Variants in EPHB1 observed in about 807,000 individuals in gnomAD.
EPHB1 encodes the protein ephrin type-B receptor 1.
EPHB1 carries 30 observed loss-of-function variants against 94.4 expected under a neutral mutation model. The ratio of observed to expected loss-of-function variants is 0.32; its 90% CI spans 0.24 to 0.43. The LOEUF (loss-of-function observed/expected upper bound fraction) is 0.43. Ranked by LOEUF, EPHB1 falls within the 20% of genes least tolerant of loss-of-function variation. The pLI, the probability that EPHB1 is intolerant of heterozygous loss-of-function variation, is 1.00. For missense variants in EPHB1, 1,055 were observed against 1,308.3 expected (o/e 0.81, Z 2.99); for synonymous variants, 522 against 489.1 (o/e 1.07, Z -0.89).
At chr3:134,984,777 G>A (rs1934534706) in intron 3 of EPHB1, among the ~76,000 whole-genome samples, 1 of 152,194 alleles carries the variant, frequency 6.6e-6, no homozygotes, top group Non-Finnish European at 1.5e-5. Context: ...TGTGTGTGTG[G>A]TCAGGGGAGT....
chr3:134,982,267 G>A (rs1361512005), intron 3 of EPHB1, among the ~76,000 whole-genome samples: 1 of 152,142 alleles, frequency 6.6e-6, no homozygotes, highest in African/African-American at 2.4e-5. Context: ...ATCATCCAGT[G>A]ATTTCTGATC....
At chr3:134,979,305 A>G (rs1011310141) in intron 3 of EPHB1, among the ~76,000 whole-genome samples, 3 of 152,220 alleles carry the variant, frequency 2.0e-5, no homozygotes, top group Admixed American at 2.0e-4. Flanking sequence ...GGGGGAAAAA[A>G]AGGCCAACCA....
chr3:135,145,952 A>C (rs1276945903), intron 5 of EPHB1, among the ~76,000 whole-genome samples: 2 of 152,230 alleles, frequency 1.3e-5, no homozygotes. Flanking sequence ...TTGCAGTAAG[A>C]GTAAATTTTT....
chr3:135,109,380 CA>C (rs1420042696), intron 4 of EPHB1, among the ~76,000 whole-genome samples: 1 of 152,214 alleles, frequency 6.6e-6, no homozygotes, highest in Non-Finnish European at 1.5e-5. Context: ...CTCACGACTT[CA>C]TAATAATGTA....
chr3:135,041,107 C>T (rs1291026650), intron 3 of EPHB1, among the ~76,000 whole-genome samples: 1 of 152,148 alleles, frequency 6.6e-6, no homozygotes, highest in Non-Finnish European at 1.5e-5. Flanking sequence ...TCCCTGGGCT[C>T]CTGTAAACCA....
intron 4 of EPHB1, among the ~76,000 whole-genome samples, chr3:135,119,955 A>G (rs745816501): frequency 6.6e-6 from 1 of 152,070 alleles, no homozygotes. Context: ...GTTTGTCTTT[A>G]TTCTTTCTAA....
chr3:134,929,617 C>T (rs530525010), intron 2 of EPHB1, among the ~76,000 whole-genome samples: 8 of 152,038 alleles, frequency 5.3e-5, no homozygotes, highest in African/African-American at 2.4e-5. Context: ...AAGAGTGAGG[C>T]GAGGAGGGAC....
chr3:135,066,943 A>G (rs1023911130), intron 3 of EPHB1, among the ~76,000 whole-genome samples: 1 of 152,132 alleles, frequency 6.6e-6, no homozygotes, highest in African/African-American at 2.4e-5. Context: ...GCCAGGCTGC[A>G]GTGATTGTTA....
At chr3:134,863,550 T>G (rs2037311004) in intron 1 of EPHB1, among the ~76,000 whole-genome samples, 1 of 152,228 alleles carries the variant, frequency 6.6e-6, no homozygotes, top group East Asian at 1.9e-4. Context: ...AAAAGGAGAA[T>G]CAATACTGGT....
chr3:134,969,163 G>A (rs1220714195), intron 3 of EPHB1, among the ~76,000 whole-genome samples: 1 of 152,138 alleles, frequency 6.6e-6, no homozygotes, highest in African/African-American at 2.4e-5. Flanking sequence ...TGCCTTTTTG[G>A]CAGCACTTGG....
chr3:134,994,778 G>A (rs1428133605), intron 3 of EPHB1, among the ~76,000 whole-genome samples: 1 of 152,070 alleles, frequency 6.6e-6, no homozygotes, highest in African/African-American at 2.4e-5. Context: ...ATATTTTAAT[G>A]TTTCATTATG....
intron 4 of EPHB1, among the ~76,000 whole-genome samples, chr3:135,125,030 G>A (rs556368450): frequency 3.8e-4 from 58 of 151,634 alleles, no homozygotes; most frequent in Non-Finnish European, 6.2e-4. Context: ...TGTCCCATAT[G>A]TCTGGTATTC....
chr3:134,928,078 T>A (rs1417120674), intron 2 of EPHB1, among the ~76,000 whole-genome samples: 1 of 152,246 alleles, frequency 6.6e-6, no homozygotes, highest in African/African-American at 2.4e-5. Flanking sequence ...AGCTGCCACC[T>A]CTTTCACTGG....
intron 4 of EPHB1, among the ~76,000 whole-genome samples, chr3:135,111,949 AT>A (rs1364594499): frequency 2.0e-5 from 3 of 152,182 alleles, no homozygotes; most frequent in African/African-American, 7.2e-5. Flanking sequence ...AAGTGCTGGG[AT>A]TATAGGCGTG....
At chr3:134,890,910 A>G (rs1416961614) in intron 1 of EPHB1, among the ~76,000 whole-genome samples, 6 of 152,182 alleles carry the variant, frequency 3.9e-5, no homozygotes, top group Admixed American at 3.3e-4. Context: ...TGACTTTAAT[A>G]GCCTGCCTTT....
At chr3:135,250,831 A>G (rs545615653) in intron 15 of EPHB1, among the ~76,000 whole-genome samples, 41 of 152,238 alleles carry the variant, frequency 2.7e-4, no homozygotes, top group East Asian at 2.3e-3. Context: ...AGATTCATTC[A>G]TCCATCAGTC....
At chr3:135,028,900 T>C (rs1197300670) in intron 3 of EPHB1, among the ~76,000 whole-genome samples, 1 of 113,728 alleles carries the variant, frequency 8.8e-6, no homozygotes, top group African/African-American at 3.2e-5. Flanking sequence ...TTTATGAATC[T>C]GGGTGCTCCT....
At chr3:135,019,641 G>A (rs1935923949) in intron 3 of EPHB1, among the ~76,000 whole-genome samples, 1 of 152,122 alleles carries the variant, frequency 6.6e-6, no homozygotes, top group Non-Finnish European at 1.5e-5. Context: ...GGATCACATT[G>A]TAAGCAATTT....
chr3:135,108,088 A>G (rs1253227551), intron 4 of EPHB1, among the ~76,000 whole-genome samples: 3 of 152,170 alleles, frequency 2.0e-5, no homozygotes, highest in Non-Finnish European at 4.4e-5. Flanking sequence ...CCAGGGACTC[A>G]CAGTATTCCT....
Sources: gnomAD v4.1 joint callset for allele counts (sites outside exome capture counted in the v4.1 genomes callset) on GRCh38, gnomAD v4.1.1 for gene constraint, MANE v1.5 for transcripts, NCBI Gene and HGNC (gene_info 2026-07-23, HGNC 2026-07-21) for gene names.